The following CACNA1I variants were observed in gnomAD, a reference collection of about 807,000 sequenced individuals.
The protein encoded by CACNA1I is calcium voltage-gated channel subunit alpha1 I, also known as voltage-dependent T-type calcium channel subunit alpha-1I.
In CACNA1I, 74 loss-of-function variants were observed where a neutral mutation model predicts 201.6. That is an observed-to-expected ratio of 0.37 (90% confidence interval 0.30 to 0.45). The LOEUF is 0.45. Ranked by LOEUF, CACNA1I falls within the 20% of genes least tolerant of loss-of-function variation. The probability of loss-of-function intolerance (pLI) is 1.00; values close to 1 mark genes in which losing one functional copy is unlikely to be tolerated. For synonymous variants in CACNA1I, 1,431 were observed against 1,345.2 expected (o/e 1.06, Z -1.40); for missense variants, 2,346 against 3,138.1 (o/e 0.75, Z 6.03).
intron 5 of CACNA1I, among the ~76,000 whole-genome samples, chr22:39,636,415 TG>T (rs913081962): frequency 2.0e-5 from 3 of 152,244 alleles, no homozygotes; most frequent in Non-Finnish European, 2.9e-5. Flanking sequence ...GGGAAGATGC[TG>T]GGTGATTGCC....
intron 3 of CACNA1I, among the ~76,000 whole-genome samples, chr22:39,603,145 C>A (rs1370158221): frequency 7.9e-6 from 1 of 126,082 alleles, no homozygotes; most frequent in Admixed American, 7.4e-5. Flanking sequence ...CAAAGCAAGA[C>A]CCTGTCAAAA....
In CACNA1I at chr22:39,658,319, C is replaced by A. The variant is rs765298794; in HGVS notation, c.2144+16C>A. ...TCATCATCAGGTACCCCTCCCCCAA[C>A]CCACCCGGCAGCAGAGTGCCTCGGG... is the stretch of plus-strand genomic sequence containing the variant. On this transcript the variant is annotated intron_variant, in intron 11 of 36. Coordinates refer to ENST00000402142, the MANE Select transcript of CACNA1I (RefSeq NM_021096.4). 5.0e-6 allele frequency: 8 copies of A among 1,611,776 alleles called. No individual in the cohort carries two copies. Among genetic ancestry groups the A allele is most frequent in the South Asian group, 1.1e-5 (1 of 90,908 alleles).
chr22:39,659,580 T>G lies in CACNA1I; in HGVS notation c.2448+30T>G. The G allele has an allele frequency of 6.2e-7, 1 of 1,602,962 alleles. No individual in the cohort carries two copies. The highest frequency in any genetic ancestry group is 2.2e-5 in the East Asian group (1 of 44,802). On this transcript the variant is annotated intron_variant, in intron 13 of 36. Coordinates refer to ENST00000402142, the MANE Select transcript of CACNA1I (RefSeq NM_021096.4). This position sits in a 1 kb window ranked among gnomAD's most constrained non-coding sequence, Gnocchi z 4.3. ...GTGGCCGCTGCGTGTTCATGTTTGCTGGGGAAGCGATGGGACAGTAGGCCT... is the reference window on the plus strand; with the variant it reads ...GTGGCCGCTGCGTGTTCATGTTTGCGGGGGAAGCGATGGGACAGTAGGCCT...
intron 3 of CACNA1I, among the ~76,000 whole-genome samples, chr22:39,601,346 C>T (rs532617637): frequency 2.6e-4 from 40 of 152,354 alleles, no homozygotes; most frequent in Non-Finnish European, 4.7e-4. Context: ...CGCCAGTGGG[C>T]GTGCCTTCAC....
chr22:39,642,968 G>A, intron 7 of CACNA1I, 79 bp downstream of exon 7: 2 of 958,330 alleles, frequency 2.1e-6, no homozygotes, highest in Non-Finnish European at 3.2e-6. Context: ...GGGTCTTTGG[G>A]AGTCCCTAGG....
At chr22:39,614,023 T>G (rs1387942919) in intron 3 of CACNA1I, among the ~76,000 whole-genome samples, 1 of 152,094 alleles carries the variant, frequency 6.6e-6, no homozygotes, top group Non-Finnish European at 1.5e-5. Context: ...TATTTTTGTA[T>G]TTTTAGTAGA....
chr22:39,681,332 G>T (rs977681616), intron 34 of CACNA1I, among the ~76,000 whole-genome samples: 1 of 152,112 alleles, frequency 6.6e-6, no homozygotes, highest in East Asian at 1.9e-4. Flanking sequence ...TCCATTCCAC[G>T]GGGGGTCATC....
At chr22:39,679,661 C>T in intron 32 of CACNA1I, 61 bp from the exon 33 acceptor site, 1 of 1,489,876 alleles carries the variant, frequency 6.7e-7, no homozygotes, top group Non-Finnish European at 9.1e-7. Context: ...CCTGCCCACC[C>T]CACAGCCCCG....
At chr22:39,624,537 C>G (rs889109131) in intron 4 of CACNA1I, among the ~76,000 whole-genome samples, 9 of 152,210 alleles carry the variant, frequency 5.9e-5, no homozygotes, top group Non-Finnish European at 1.2e-4. Flanking sequence ...TCTCTCAGAA[C>G]CAGCACTGGG....
chr22:39,570,807 C>T lies in CACNA1I; in HGVS notation c.55C>T (p.Pro19Ser). The change falls in exon 1 of 37, where the codon CCA (proline) becomes TCA (serine). Residue 19 changes from proline to serine, a missense_variant. Coordinates refer to ENST00000402142, the MANE Select transcript of CACNA1I (RefSeq NM_021096.4). ...SSSAAAPAAEPGVTTEQPGPR... is the reference protein window; with the variant it reads ...SSSAAAPAAESGVTTEQPGPR... ...ATCTGCAGCAGCCCCAGCCGCTGAG[C>T]CAGGAGTCACCACGGAGCAGCCCGG... is the stretch of plus-strand genomic sequence containing the variant. 5 of 1,613,332 alleles carry T rather than the reference C, an allele frequency of 3.1e-6. No homozygotes were observed. The highest frequency in any genetic ancestry group is 1.3e-5 in the African/African-American group (1 of 75,016).
intron 1 of CACNA1I, among the ~76,000 whole-genome samples, chr22:39,594,902 T>C (rs1355225464): frequency 1.3e-5 from 2 of 152,184 alleles, no homozygotes; most frequent in Non-Finnish European, 2.9e-5. Context: ...CTGAACCCTA[T>C]ATTTACTATG....
intron 4 of CACNA1I, among the ~76,000 whole-genome samples, chr22:39,631,846 G>T (rs1427565627): frequency 1.3e-5 from 2 of 152,236 alleles, no homozygotes; most frequent in East Asian, 1.9e-4. Context: ...AGTCTCTTGG[G>T]GTCCTCCCTG....
chr22:39,685,752 TC>T lies in CACNA1I; in HGVS notation c.6028-3del. On this transcript the variant is annotated splice_polypyrimidine_tract_variant and splice_region_variant and intron_variant, in intron 36 of 36. Coordinates refer to ENST00000402142, the MANE Select transcript of CACNA1I (RefSeq NM_021096.4). This position sits in a 1 kb window ranked among gnomAD's most constrained non-coding sequence, Gnocchi z 5.0. Reference sequence around the variant, plus strand: ...ACAGGCGGCCTCCACGGCTCCCACCTCCCCCCAGGCCACCGGGAGCGACACG... The same window carrying T: ...ACAGGCGGCCTCCACGGCTCCCACCTCCCCCAGGCCACCGGGAGCGACACG... The T allele has an allele frequency of 6.2e-6, 9 of 1,458,776 alleles. No homozygotes were observed. The highest frequency in any genetic ancestry group is 4.9e-5 in the Admixed American group (2 of 40,760). 90.4% of individuals were successfully genotyped at this position (1,458,776 alleles called of 1,614,324 possible).
At chr22:39,657,719 C>T (rs1197632725) in intron 10 of CACNA1I, among the ~76,000 whole-genome samples, 7 of 152,218 alleles carry the variant, frequency 4.6e-5, no homozygotes, top group South Asian at 2.1e-4. Flanking sequence ...ATGCATAGAA[C>T]GGTTCCCGGC....
Position 39,665,826 on chromosome 22 carries a change from T to A in CACNA1I, c.3979-55T>A. 1 of 1,611,090 alleles carries A rather than the reference T, an allele frequency of 6.2e-7. No homozygotes were observed. The highest frequency in any genetic ancestry group is 1.3e-5 in the African/African-American group (1 of 75,006). The stretch of plus-strand genomic sequence containing the variant: ...TAAACGCGATCGAGAGGCGAGTTCC[T>A]CTCTGACTTGCAACCCTCACCTGTG... On this transcript the variant is annotated intron_variant, in intron 22 of 36. Coordinates refer to ENST00000402142, the MANE Select transcript of CACNA1I (RefSeq NM_021096.4). This position sits in a 1 kb window ranked among gnomAD's most constrained non-coding sequence, Gnocchi z 5.5.
At chr22:39,624,676 C>A (rs1234932811) in intron 4 of CACNA1I, among the ~76,000 whole-genome samples, 1 of 152,202 alleles carries the variant, frequency 6.6e-6, no homozygotes, top group South Asian at 2.1e-4. Flanking sequence ...ATTGGTCTAA[C>A]CCTCATTTCG....
rs1333964090 is a variant in CACNA1I, at chr22:39,630,694, T to A, written c.581-3871T>A. On this transcript the variant is annotated intron_variant, in intron 4 of 36. Transcript: ENST00000402142. ...AGGGCGGGTGGGCAGCAGTAACTCA[T>A]GGCAGAGACACCAGACAAGGCGACC... Among the ~76,000 whole-genome samples, 5 of 152,180 alleles carry A rather than the reference T, an allele frequency of 3.3e-5. No homozygotes were observed. In the East Asian group the frequency reaches 9.6e-4, roughly 29 times the overall value.
intron 1 of CACNA1I, 100 bp downstream of exon 1, chr22:39,571,088 C>T (rs1303728024): frequency 3.7e-6 from 4 of 1,070,458 alleles, no homozygotes; most frequent in Non-Finnish European, 2.9e-6. Flanking sequence ...GCTGGGAGAC[C>T]TGAGGTCTGC....
At chr22:39,615,630 C>A (rs527959199) in intron 3 of CACNA1I, among the ~76,000 whole-genome samples, 2 of 152,334 alleles carry the variant, frequency 1.3e-5, no homozygotes, top group South Asian at 2.1e-4. Context: ...CCTCCTCTCT[C>A]CCCATCCTTG....
Sources: allele counts gnomAD v4.1 joint callset (sites outside exome capture counted in the v4.1 genomes callset), GRCh38; gene constraint gnomAD v4.1.1; non-coding constraint Gnocchi (gnomAD v3.1); transcripts MANE v1.5; gene names NCBI Gene and HGNC (gene_info 2026-07-23, HGNC 2026-07-21).